The following CARS1 variants were observed in gnomAD, a reference collection of about 807,000 sequenced individuals.
CARS1 encodes cysteine--tRNA ligase, cytoplasmic.
In CARS1, 48 loss-of-function variants were observed where a neutral mutation model predicts 106.2. That is an observed-to-expected ratio of 0.45 (90% confidence interval 0.36 to 0.57). The LOEUF (loss-of-function observed/expected upper bound fraction) is 0.57. Ranked by LOEUF, CARS1 falls within the 20% of genes least tolerant of loss-of-function variation. The pLI is 0.00. For synonymous variants in CARS1, 409 were observed against 403.4 expected (o/e 1.01, Z -0.17); for missense variants, 968 against 1,057.2 (o/e 0.92, Z 1.17).
At position 3,050,015 on chromosome 11, in the gene CARS1, A is replaced by G. The variant is rs550168322; in HGVS notation, c.26-2014T>C. On this transcript the variant is annotated intron_variant, in intron 1 of 22. Transcript: ENST00000380525. The surrounding 1 kb of genome is among the most constrained non-coding windows in gnomAD (Gnocchi z 6.3). ...GAGTCAGAATGGAGTGCACAGCTGC[A>G]GCAGCAAGAATGCCCCACTGGGCCG... is the stretch of plus-strand genomic sequence containing the variant. Among the ~76,000 whole-genome samples the G allele has an allele frequency of 2.0e-5, 3 of 152,360 alleles. No homozygotes were observed. Among genetic ancestry groups the G allele is most frequent in the Admixed American group, 2.0e-4 (3 of 15,308 alleles).
intron 1 of CARS1, among the ~76,000 whole-genome samples, chr11:3,055,701 A>G (rs961701431): frequency 6.6e-6 from 1 of 152,260 alleles, no homozygotes; most frequent in African/African-American, 2.4e-5. Context: ...TTTTAAAAAC[A>G]AGATACAAAA....
chr11:3,001,324 C>A (rs978809978), intron 22 of CARS1, 76 bp from the exon 23 acceptor site: 2 of 1,554,100 alleles, frequency 1.3e-6, no homozygotes, highest in African/African-American at 1.4e-5. Context: ...TTTGCCCTCC[C>A]GTCTCAAAGT....
chr11:3,015,931 G>T, intron 16 of CARS1, 82 bp from the exon 17 acceptor site: 1 of 1,173,436 alleles, frequency 8.5e-7, no homozygotes, highest in Non-Finnish European at 1.3e-6. Flanking sequence ...TGTGTTCCTC[G>T]TTCACGGGAG....
Position 3,008,913 on chromosome 11 carries a change from G to T in CARS1, c.2069-1954C>A, listed in dbSNP as rs1850169920. 6.6e-6 allele frequency: 1 copy of T among 152,224 alleles called. No homozygotes were observed. The highest frequency in any genetic ancestry group is 2.4e-5 in the African/African-American group (1 of 41,414). 9.4% of individuals were successfully genotyped at this position (152,224 alleles called of 1,614,324 possible). On this transcript the variant is annotated intron_variant, in intron 18 of 22. Coordinates refer to ENST00000380525, the MANE Select transcript of CARS1 (RefSeq NM_001014437.3). The surrounding 1 kb of genome is among the most constrained non-coding windows in gnomAD (Gnocchi z 5.1). ...CCAGCACCTGTGGTCACTGTCACGG[G>T]TGTCATGGGAGGCCACAAGGCCAGC...
Position 3,019,809 on chromosome 11 carries a change from C to T in CARS1, c.1266+411G>A, listed in dbSNP as rs1037888714. Among the ~76,000 whole-genome samples the T allele has an allele frequency of 6.6e-6, 1 of 152,134 alleles. No individual in the cohort carries two copies. The highest frequency in any genetic ancestry group is 2.4e-5 in the African/African-American group (1 of 41,428). ...TGAAGTTACTGAATTACATCCAGACCTCTGAGCCCTTGACAGCTGCAGATG... is the reference window on the plus strand; with the variant it reads ...TGAAGTTACTGAATTACATCCAGACTTCTGAGCCCTTGACAGCTGCAGATG... On this transcript the variant is annotated intron_variant, in intron 11 of 22. Transcript: ENST00000380525. The surrounding 1 kb of genome is among the most constrained non-coding windows in gnomAD (Gnocchi z 6.2).
At chr11:3,013,590 A>G (rs1408173413) in intron 17 of CARS1, among the ~76,000 whole-genome samples, 2 of 152,026 alleles carry the variant, frequency 1.3e-5, no homozygotes, top group African/African-American at 4.8e-5. Context: ...GTGACTCACA[A>G]CTGTAATCCC....
Position 3,040,326 on chromosome 11 carries a change from T to C in CARS1, c.456-395A>G, listed in dbSNP as rs1390663321. On this transcript the variant is annotated intron_variant, in intron 4 of 22. Coordinates refer to ENST00000380525, the MANE Select transcript of CARS1 (RefSeq NM_001014437.3). The surrounding 1 kb of genome is among the most constrained non-coding windows in gnomAD (Gnocchi z 5.8). Reference sequence around the variant, plus strand: ...TTTTTGGGGAATCAAAAGTTATGTGTGGATTTTCAACTGTGCAGAGGGTCA... The same window carrying C: ...TTTTTGGGGAATCAAAAGTTATGTGCGGATTTTCAACTGTGCAGAGGGTCA... The C allele has an allele frequency of 3.2e-6, 1 of 316,408 alleles. No individual in the cohort carries two copies. The highest frequency in any genetic ancestry group is 2.2e-5 in the African/African-American group (1 of 46,106). The allele number at this position is 316,408 out of a possible 1,614,324, so 19.6% of individuals were successfully genotyped here.
chr11:3,039,800 T>C lies in CARS1; in HGVS notation c.552+35A>G, dbSNP rs1310500907. The C allele has an allele frequency of 9.1e-7, 1 of 1,094,612 alleles. No individual in the cohort carries two copies. The highest frequency in any genetic ancestry group is 1.6e-5 in the African/African-American group (1 of 62,874). The allele number at this position is 1,094,612 out of a possible 1,614,324, so 67.8% of individuals were successfully genotyped here. On this transcript the variant is annotated intron_variant, in intron 5 of 22. Transcript: ENST00000380525. This position sits in a 1 kb window ranked among gnomAD's most constrained non-coding sequence, Gnocchi z 5.6. ...TCTATCTTCTTTTACACCATCCAAT[T>C]GCATTTAAAATTTAATCTTACAAAT...
chr11:3,001,358 G>A (rs553867974), intron 22 of CARS1, 110 bp from the exon 23 acceptor site: 1 of 1,293,416 alleles, frequency 7.7e-7, no homozygotes, highest in Admixed American at 1.9e-5. Context: ...ATGCAGCCAT[G>A]TCCTCTTGCT....
rs1230643791 is a variant in CARS1, at chr11:3,039,425, G to A, written c.553-133C>T. 1.1e-5 allele frequency: 7 copies of A among 625,092 alleles called. No individual in the cohort carries two copies. The highest frequency in any genetic ancestry group is 3.7e-5 in the South Asian group (2 of 54,168). The allele number at this position is 625,092 out of a possible 1,614,324, so 38.7% of individuals were successfully genotyped here. A position where few individuals can be genotyped will look rare whatever the true frequency, so the allele number is the denominator to read the frequency against. ...TGGGAGACAACTGTGGGCCCCGGAC[G>A]TGCACACCATCATCAAATAGAAACA... On this transcript the variant is annotated intron_variant, in intron 5 of 22. Transcript: ENST00000380525. The surrounding 1 kb of genome is among the most constrained non-coding windows in gnomAD (Gnocchi z 5.6).
Position 3,039,116 on chromosome 11 carries a change from C to T in CARS1, c.651+78G>A, listed in dbSNP as rs1854072360. 1.1e-6 allele frequency: 1 copy of T among 902,298 alleles called. No homozygotes were observed. 55.9% of individuals were successfully genotyped at this position (902,298 alleles called of 1,614,324 possible). On this transcript the variant is annotated intron_variant, in intron 6 of 22. Coordinates refer to ENST00000380525, the MANE Select transcript of CARS1 (RefSeq NM_001014437.3). The surrounding 1 kb of genome is among the most constrained non-coding windows in gnomAD (Gnocchi z 5.6). ...GAAAGCCTGTGAGACTGACACTACC[C>T]TAGGGACAGTAGCCTACAAAGGACC...
chr11:3,025,291 A>G (rs1851939838), intron 10 of CARS1, among the ~76,000 whole-genome samples: 1 of 152,176 alleles, frequency 6.6e-6, no homozygotes, highest in Non-Finnish European at 1.5e-5. Context: ...GCAGTGGCAC[A>G]ATCTTGGCTC....
In CARS1 at chr11:3,029,370, T is replaced by C. The variant is rs1261894712; in HGVS notation, c.875A>G (p.Asn292Ser). 2.5e-6 allele frequency: 4 copies of C among 1,614,084 alleles called. No homozygotes were observed. Among genetic ancestry groups the C allele is most frequent in the Non-Finnish European group, 3.4e-6 (4 of 1,179,944 alleles). ...CTTGGGCAGCTTGGAGAAGATGGAA[T>C]TGTCAGTGACATCACAGCCAAGTGT... Reference protein sequence around the residue: ...DSTLGCDVTDNSIFSKLPKFW... With the variant: ...DSTLGCDVTDSSIFSKLPKFW... The change falls in exon 8 of 23, where the codon AAT (asparagine) becomes AGT (serine). Residue 292 changes from asparagine to serine, a missense_variant. Transcript: ENST00000380525. The surrounding 1 kb of genome is among the most constrained non-coding windows in gnomAD (Gnocchi z 5.9).
rs412149 is a variant in CARS1, at chr11:3,048,713, G to A, written c.26-712C>T. Among the ~76,000 whole-genome samples, 49,857 of 152,050 alleles carry A rather than the reference G, an allele frequency of 0.33. 10,249 individuals carry two copies. Among genetic ancestry groups the A allele is most frequent in the East Asian group, 0.66 (3,388 of 5,154 alleles). ...CAAGAGACAGCTGGACTCTAGCATG[G>A]CTTCTGCAGGTCAAGGCCACAGCCT... On this transcript the variant is annotated intron_variant, in intron 1 of 22. Transcript: ENST00000380525. The surrounding 1 kb of genome is among the most constrained non-coding windows in gnomAD (Gnocchi z 5.1).
Position 3,029,502 on chromosome 11 carries a change from C to G in CARS1, c.802-59G>C. The G allele has an allele frequency of 6.3e-7, 1 of 1,586,486 alleles. No homozygotes were observed. Among genetic ancestry groups the G allele is most frequent in the Non-Finnish European group, 8.6e-7 (1 of 1,165,368 alleles). On this transcript the variant is annotated intron_variant, in intron 7 of 22. Transcript: ENST00000380525. This position sits in a 1 kb window ranked among gnomAD's most constrained non-coding sequence, Gnocchi z 5.9. The stretch of plus-strand genomic sequence containing the variant: ...CCACACACTTCACATGAGAACATCT[C>G]GTGCAGCTGGTGTGAGCCCATCAGT...
At chr11:3,049,556 A>G (rs1219609044) in intron 1 of CARS1, among the ~76,000 whole-genome samples, 1 of 152,222 alleles carries the variant, frequency 6.6e-6, no homozygotes, top group Non-Finnish European at 1.5e-5. Context: ...CCAAACCTTG[A>G]ACCAGTGATT....
At chr11:3,012,059 C>A in intron 18 of CARS1, 136 bp downstream of exon 18, 1 of 776,020 alleles carries the variant, frequency 1.3e-6, no homozygotes. Flanking sequence ...TGCCGTTCAA[C>A]ACCCTGTGGT....
rs535539428 is a variant in CARS1, at chr11:3,053,614, T to C, written c.25+3729A>G. On this transcript the variant is annotated intron_variant, in intron 1 of 22. Coordinates refer to ENST00000380525, the MANE Select transcript of CARS1 (RefSeq NM_001014437.3). This position sits in a 1 kb window ranked among gnomAD's most constrained non-coding sequence, Gnocchi z 6.6. ...GGCTCTCCCAGGTCCACTCCAGGCATGGCCCTGGTGTGCCTTCAGCAGCAG... is the reference window on the plus strand; with the variant it reads ...GGCTCTCCCAGGTCCACTCCAGGCACGGCCCTGGTGTGCCTTCAGCAGCAG... Among the ~76,000 whole-genome samples, 2 of 152,290 alleles carry C rather than the reference T, an allele frequency of 1.3e-5. No individual in the cohort carries two copies. Among genetic ancestry groups the C allele is most frequent in the East Asian group, 1.9e-4 (1 of 5,184 alleles).
rs1851447923 is a variant in CARS1, at chr11:3,020,228, A to G, written c.1258T>C (p.Trp420Arg). 1 of 1,602,890 alleles carries G rather than the reference A, an allele frequency of 6.2e-7. No homozygotes were observed. The highest frequency in any genetic ancestry group is 1.3e-5 in the African/African-American group (1 of 74,816). Residue 420 changes from tryptophan to arginine, a missense_variant, in exon 11 of 23, where the codon TGG becomes CGG. Physicochemically the swap from Trp to Arg is moderately radical, Grantham distance 101 (BLOSUM62 -3). Coordinates refer to ENST00000380525, the MANE Select transcript of CARS1 (RefSeq NM_001014437.3). The surrounding 1 kb of genome is among the most constrained non-coding windows in gnomAD (Gnocchi z 4.6). Reference sequence around the variant, plus strand: ...CTAGGCCACTCGCTCACCTTTCCCCAAGGGCACGGCCAGGACGGTTCTCCG... The same window carrying G: ...CTAGGCCACTCGCTCACCTTTCCCCGAGGGCACGGCCAGGACGGTTCTCCG... ...KPGEPSWPCP[W>R]GKGRPGWHIE...
Sources: gnomAD v4.1 joint callset for allele counts (sites outside exome capture counted in the v4.1 genomes callset) on GRCh38, gnomAD v4.1.1 for gene constraint, Gnocchi (gnomAD v3.1) non-coding constraint, MANE v1.5 for transcripts, NCBI Gene and HGNC (gene_info 2026-07-23, HGNC 2026-07-21) for gene names.